Variants in SOS2 observed in about 807,000 individuals in gnomAD.
The protein encoded by SOS2 is son of sevenless homolog 2.
Under a neutral mutation model 148.2 loss-of-function variants are expected in SOS2, and 65 were observed. That is an observed-to-expected ratio of 0.44 (90% confidence interval 0.36 to 0.54). SOS2 has a LOEUF of 0.54. Ranked by LOEUF, SOS2 falls within the 20% of genes least tolerant of loss-of-function variation. The pLI is 0.00. For synonymous variants in SOS2, 539 were observed against 537.1 expected, an observed-to-expected ratio of 1.00 and a Z score of -0.05; for missense variants, 1,341 against 1,590.2, an observed-to-expected ratio of 0.84 and a Z score of 2.67.
At chr14:50,187,441 A>G (rs187903811) in intron 5 of SOS2, among the ~76,000 whole-genome samples, 1,464 of 143,534 alleles carry the variant, frequency 0.01, 16 homozygotes, top group Middle Eastern at 0.075. Context: ...TCTGCCTCCC[A>G]GGTTCACGCC....
chr14:50,168,992 T>C (rs114376039), intron 8 of SOS2, among the ~76,000 whole-genome samples: 417 of 152,282 alleles, frequency 2.7e-3, no homozygotes, highest in African/African-American at 9.6e-3. Context: ...GAGGATACCA[T>C]ATATAGTTAC....
chr14:50,153,248 G>A (rs967106931), intron 12 of SOS2, 75 bp from the exon 13 acceptor site: 23 of 779,466 alleles, frequency 3.0e-5, no homozygotes, highest in Non-Finnish European at 4.7e-5. Flanking sequence ...CTAATGCCAC[G>A]ATAATAGCTT....
intron 8 of SOS2, among the ~76,000 whole-genome samples, chr14:50,167,112 TAAAAAAAACACTAACTTTA>T (rs1177611423): frequency 6.6e-6 from 1 of 151,698 alleles, no homozygotes; most frequent in Non-Finnish European, 1.5e-5. Context: ...CGTGCTTTTT[TAAAAAAAACACTAACTTTA>T]AAAAAAAACA....
intron 17 of SOS2, among the ~76,000 whole-genome samples, chr14:50,139,133 T>C (rs1357240255): frequency 6.6e-6 from 1 of 152,202 alleles, no homozygotes; most frequent in East Asian, 1.9e-4. Context: ...TGATTATAAA[T>C]ATTTAATGCC....
At chr14:50,144,966 A>G (rs1407393893) in intron 16 of SOS2, among the ~76,000 whole-genome samples, 1 of 152,076 alleles carries the variant, frequency 6.6e-6, no homozygotes, top group Admixed American at 6.5e-5. Flanking sequence ...ATTTTCTAAT[A>G]TAAGCCTAGG....
At chr14:50,221,256 C>G (rs546875597) in intron 1 of SOS2, among the ~76,000 whole-genome samples, 1 of 152,018 alleles carries the variant, frequency 6.6e-6, no homozygotes, top group Admixed American at 6.5e-5. Context: ...TTTTTTTCCC[C>G]TGTGAACTGG....
intron 1 of SOS2, among the ~76,000 whole-genome samples, chr14:50,210,059 G>T (rs997320628): frequency 6.6e-6 from 1 of 152,130 alleles, no homozygotes; most frequent in African/African-American, 2.4e-5. Flanking sequence ...AAGAAAATCA[G>T]TCATATATTC....
chr14:50,188,724 T>C, intron 4 of SOS2, 24 bp from the exon 5 acceptor site: 1 of 1,467,270 alleles, frequency 6.8e-7, no homozygotes, highest in Non-Finnish European at 9.3e-7. Flanking sequence ...ATCAATAATG[T>C]ATAAATTTAT....
At chr14:50,126,479 C>T (rs1054681723) in intron 21 of SOS2, among the ~76,000 whole-genome samples, 4 of 151,878 alleles carry the variant, frequency 2.6e-5, no homozygotes, top group African/African-American at 7.3e-5. Flanking sequence ...TAAACATATA[C>T]AATTATCTGT....
intron 1 of SOS2, among the ~76,000 whole-genome samples, chr14:50,227,589 G>T (rs1012953300): frequency 5.9e-5 from 9 of 151,786 alleles, no homozygotes; most frequent in Non-Finnish European, 8.8e-5. Flanking sequence ...AATTTTTTGG[G>T]TTTTTTTCTG....
chr14:50,150,351 T>C (rs1479009508), intron 13 of SOS2, 121 bp from the exon 14 acceptor site: 1 of 689,942 alleles, frequency 1.4e-6, no homozygotes, highest in Non-Finnish European at 2.5e-6. Flanking sequence ...AATTTTTATT[T>C]TCTCTAACCC....
intron 18 of SOS2, among the ~76,000 whole-genome samples, chr14:50,136,297 T>G (rs188142315): frequency 6.6e-6 from 1 of 152,348 alleles, no homozygotes; most frequent in East Asian, 1.9e-4. Flanking sequence ...ATTTTAAATT[T>G]ATTTTGTTTG....
intron 7 of SOS2, among the ~76,000 whole-genome samples, chr14:50,175,982 T>C (rs1020782452): frequency 1.3e-5 from 2 of 152,278 alleles, no homozygotes; most frequent in African/African-American, 4.8e-5. Context: ...ACATTTGTTA[T>C]GATCTGAATG....
rs34012845 is a variant in SOS2 at position 50,120,736 on chromosome 14, C to CTTTTTTT, written c.3380-359_3380-353dup. On this transcript the variant is annotated intron_variant, in intron 21 of 22. Transcript: ENST00000216373. ...AAGAAAGACCATCCTAATCAGAGAC[C>CTTTTTTT]TTTTTTTTTTTTTTTTTTTTTGAGA... Among the ~76,000 whole-genome samples, 4 of 107,502 alleles carry CTTTTTTT rather than the reference C, an allele frequency of 3.7e-5. 1 individual carries two copies. The highest frequency in any genetic ancestry group is 1.1e-4 in the Admixed American group (1 of 8,948). 70.5% of individuals were successfully genotyped at this position (107,502 alleles called of 152,430 possible). A position where few individuals can be genotyped will look rare whatever the true frequency, so the allele number is the denominator to read the frequency against.
At chr14:50,208,859 TCTGA>T (rs1886764978) in intron 1 of SOS2, among the ~76,000 whole-genome samples, 1 of 152,214 alleles carries the variant, frequency 6.6e-6, no homozygotes. Flanking sequence ...TTGCAGATCA[TCTGA>T]CTGCCCATTG....
chr14:50,158,926 T>G (rs1249517908), intron 10 of SOS2, among the ~76,000 whole-genome samples: 1 of 152,160 alleles, frequency 6.6e-6, no homozygotes, highest in Admixed American at 6.5e-5. Flanking sequence ...GGCTCACGCC[T>G]ATAATCTCAG....
chr14:50,156,956 T>TAC, intron 12 of SOS2, 43 bp downstream of exon 12: 1 of 1,001,432 alleles, frequency 1.0e-6, no homozygotes, highest in Non-Finnish European at 1.5e-6. Flanking sequence ...TGTGTGTATA[T>TAC]ATATGTGTAT....
chr14:50,225,082 GAA>G (rs1164114704), intron 1 of SOS2, among the ~76,000 whole-genome samples: 3 of 151,946 alleles, frequency 2.0e-5, no homozygotes, highest in Non-Finnish European at 2.9e-5. Context: ...TTATCCATTT[GAA>G]AAAACTTTGT....
chr14:50,220,053 C>A (rs1474583003), intron 1 of SOS2, among the ~76,000 whole-genome samples: 1 of 151,520 alleles, frequency 6.6e-6, no homozygotes, highest in African/African-American at 2.4e-5. Context: ...CCTCCTATTT[C>A]CCTACACCTG....
Sources: allele counts gnomAD v4.1 joint callset (sites outside exome capture counted in the v4.1 genomes callset), GRCh38; gene constraint gnomAD v4.1.1; transcripts MANE v1.5; gene names NCBI Gene and HGNC (gene_info 2026-07-23, HGNC 2026-07-21).